The following ABCA12 variants were observed in gnomAD, a reference collection of about 807,000 sequenced individuals.
ABCA12 encodes glucosylceramide transporter ABCA12.
Under a neutral mutation model 293.5 loss-of-function variants are expected in ABCA12, and 156 were observed. That is an observed-to-expected ratio of 0.53 (90% CI 0.47 to 0.61). The LOEUF (loss-of-function observed/expected upper bound fraction) is 0.61. Ranked by LOEUF, ABCA12 falls within the 20% of genes least tolerant of loss-of-function variation. The pLI, the probability that ABCA12 is intolerant of heterozygous loss-of-function variation, is 0.00. For missense variants in ABCA12, 2,797 were observed against 3,090.2 expected, an observed-to-expected ratio of 0.91 and a Z score of 2.25; for synonymous variants, 1,063 against 1,108.0, an observed-to-expected ratio of 0.96 and a Z score of 0.81.
Position 214,954,182 on chromosome 2 carries a change from A to T in ABCA12, c.6394-75T>A, listed in dbSNP as rs982012684. 5 of 1,482,644 alleles carry T rather than the reference A, an allele frequency of 3.4e-6. No homozygotes were observed. In the African/African-American group the frequency reaches 5.6e-5, roughly 17 times the overall value. 91.8% of individuals were successfully genotyped at this position (1,482,644 alleles called of 1,614,324 possible). Reference sequence around the variant, plus strand: ...CTGACAAAAATTTAAAACTAGATGGATGTAGACAAATAGTGAAACCTAAAA... The same window carrying T: ...CTGACAAAAATTTAAAACTAGATGGTTGTAGACAAATAGTGAAACCTAAAA... On this transcript the variant is annotated intron_variant, in intron 43 of 52. Coordinates refer to ENST00000272895, the MANE Select transcript of ABCA12 (RefSeq NM_173076.3).
intron 29 of ABCA12, among the ~76,000 whole-genome samples, chr2:214,982,817 T>C (rs1356649423): frequency 1.3e-5 from 2 of 152,100 alleles, no homozygotes; most frequent in Admixed American, 6.6e-5. Context: ...GGAAATCCAG[T>C]CAATAAATAT....
intron 39 of ABCA12, chr2:214,962,625 A>G (rs1180249072): frequency 6.6e-6 from 1 of 152,208 alleles, no homozygotes; most frequent in African/African-American, 2.4e-5. Context: ...CATTTTTCTC[A>G]TTGCCACATG....
At chr2:215,135,309 C>T (rs1034725783) in intron 1 of ABCA12, among the ~76,000 whole-genome samples, 9 of 152,282 alleles carry the variant, frequency 5.9e-5, no homozygotes, top group Admixed American at 4.6e-4. Context: ...CTCCAATCTA[C>T]CTTAATATTT....
At chr2:215,133,016 A>AT (rs994094120) in intron 1 of ABCA12, among the ~76,000 whole-genome samples, 31 of 151,502 alleles carry the variant, frequency 2.0e-4, no homozygotes, top group African/African-American at 6.8e-4. Flanking sequence ...TCCAGCTGGC[A>AT]TTTTTTCTTC....
intron 18 of ABCA12, among the ~76,000 whole-genome samples, chr2:215,009,289 A>G (rs1011328947): frequency 3.9e-5 from 6 of 152,096 alleles, no homozygotes; most frequent in African/African-American, 1.4e-4. Flanking sequence ...ACACATGGAC[A>G]TAGAGAGGGG....
At chr2:215,068,526 C>T (rs1701677154) in intron 2 of ABCA12, among the ~76,000 whole-genome samples, 1 of 152,126 alleles carries the variant, frequency 6.6e-6, no homozygotes, top group South Asian at 2.1e-4. Flanking sequence ...GCCTTTCTTA[C>T]AGGCATCTCC....
Position 214,986,612 on chromosome 2 carries a change from T to A in ABCA12, c.4093A>T (p.Asn1365Tyr). 1 of 1,614,050 alleles carries A rather than the reference T, an allele frequency of 6.2e-7. No homozygotes were observed. Among genetic ancestry groups the A allele is most frequent in the Non-Finnish European group, 8.5e-7 (1 of 1,179,986 alleles). The change falls in exon 28 of 53, where the codon AAT (asparagine) becomes TAT (tyrosine). Residue 1365 changes from asparagine to tyrosine, a missense_variant. Asn to Tyr is a moderately radical substitution (Grantham distance 143). Coordinates refer to ENST00000272895, the MANE Select transcript of ABCA12 (RefSeq NM_173076.3). ...YGSKVAVDNL[N>Y]LNFYEGHITS... is the part of the protein sequence containing the mutation. ...ATATGCCCTTCATAAAAGTTCAGAT[T>A]GAGGTTATCAACAGCAACTTTTGAG... is the stretch of plus-strand genomic sequence containing the variant.
chr2:215,070,070 T>C (rs914617889), intron 2 of ABCA12, among the ~76,000 whole-genome samples: 1 of 152,256 alleles, frequency 6.6e-6, no homozygotes, highest in Non-Finnish European at 1.5e-5. Flanking sequence ...ATTCAAATTG[T>C]ATTCCAATGT....
chr2:214,933,670 G>A (rs1269355110), intron 52 of ABCA12, among the ~76,000 whole-genome samples: 1 of 152,098 alleles, frequency 6.6e-6, no homozygotes, highest in Non-Finnish European at 1.5e-5. Flanking sequence ...GAATTTAACA[G>A]ATCTAAAGGT....
chr2:215,065,340 G>A (rs1701621668), intron 2 of ABCA12, among the ~76,000 whole-genome samples: 1 of 140,342 alleles, frequency 7.1e-6, no homozygotes, highest in Non-Finnish European at 1.5e-5. Flanking sequence ...TGCCCGTACA[G>A]GTCTGTTTTC....
At position 215,000,816 on chromosome 2, in the gene ABCA12, T is replaced by C. The variant is rs778270086; in HGVS notation, c.3068A>G (p.Tyr1023Cys). The change falls in exon 22 of 53, where the codon TAT becomes TGT. Residue 1023 changes from tyrosine (Y) to cysteine (C), a missense_variant. Around this residue, in one of 3 missense-constraint regions of ABCA12, gnomAD observed 2,130 missense variants for 2,427.0 expected, o/e 0.88. Transcript: ENST00000272895. The part of the protein sequence containing the change: ...HNQIYGRAFI[Y>C]LQDSIERAII... ...TGCTCTTTCAATACTATCCTGTAAA[T>C]AAATAAAAGCCCTGCCATAGATCTG... 4 of 1,614,030 alleles carry C rather than the reference T, an allele frequency of 2.5e-6. No individual in the cohort carries two copies. The East Asian group carries it at 6.7e-5, about 27-fold the overall frequency.
chr2:214,979,139 C>T, intron 31 of ABCA12, 99 bp from the exon 32 acceptor site: 1 of 1,038,740 alleles, frequency 9.6e-7, no homozygotes, highest in Non-Finnish European at 1.5e-6. Flanking sequence ...TTTTAGGCCA[C>T]TCCACACCTG....
chr2:215,134,116 T>G (rs1369462049), intron 1 of ABCA12, among the ~76,000 whole-genome samples: 1 of 151,994 alleles, frequency 6.6e-6, no homozygotes, highest in Non-Finnish European at 1.5e-5. Flanking sequence ...CCACCAAAAT[T>G]AAAGATTCCC....
At chr2:215,069,071 T>C (rs1701687060) in intron 2 of ABCA12, among the ~76,000 whole-genome samples, 2 of 152,204 alleles carry the variant, frequency 1.3e-5, no homozygotes, top group Admixed American at 6.6e-5. Flanking sequence ...ATTCTGTTTT[T>C]CTCAAAACAG....
chr2:215,081,760 T>G (rs924466892), intron 2 of ABCA12, among the ~76,000 whole-genome samples: 2 of 152,094 alleles, frequency 1.3e-5, no homozygotes, highest in African/African-American at 4.8e-5. Context: ...TACATATGTT[T>G]TAGGAAGCCC....
At chr2:215,094,783 C>A (rs534844710) in intron 2 of ABCA12, among the ~76,000 whole-genome samples, 171 of 152,258 alleles carry the variant, frequency 1.1e-3, no homozygotes, top group Non-Finnish European at 2.1e-3. Flanking sequence ...CCCCCTCTAC[C>A]CAGTTGCCCC....
At position 214,970,371 on chromosome 2, in the gene ABCA12, C is replaced by T. The variant is rs770673079; in HGVS notation, c.5592G>A (p.Pro1864=). The T allele has an allele frequency of 2.7e-5, 43 of 1,612,890 alleles. No homozygotes were observed. The highest frequency in any genetic ancestry group is 8.9e-5 in the East Asian group (4 of 44,784). ...CCTGGGATGAGTAAGTTCTTCTGTG[C>T]GGTGGGGAATAGTTAAATTTAGGAC... ...QECPKFNYSP[P]HRRTYSSQVI... is the part of the protein sequence containing the mutation. The change falls in exon 37 of 53, where the codon CCG becomes CCA. Residue 1864 remains proline, a synonymous_variant. Transcript: ENST00000272895.
chr2:215,097,350 G>A (rs1377946261), intron 2 of ABCA12, among the ~76,000 whole-genome samples: 1 of 151,436 alleles, frequency 6.6e-6, no homozygotes, highest in Non-Finnish European at 1.5e-5. Flanking sequence ...AAATCTTAGT[G>A]CATTGATGGT....
intron 36 of ABCA12, among the ~76,000 whole-genome samples, chr2:214,972,418 ATTTAT>A (rs1699405637): frequency 1.3e-5 from 2 of 152,062 alleles, no homozygotes; most frequent in South Asian, 4.1e-4. Flanking sequence ...ATTTTAATTT[ATTTAT>A]TTTGAGACAG....
Sources: gnomAD v4.1 joint callset for allele counts (sites outside exome capture counted in the v4.1 genomes callset) on GRCh38, gnomAD v4.1.1 for gene constraint, gnomAD v4.1.1 regional missense constraint, MANE v1.5 for transcripts, NCBI Gene and HGNC (gene_info 2026-07-23, HGNC 2026-07-21) for gene names.